CTSV: variants seen among roughly 807,000 people sequenced by gnomAD.
The protein encoded by CTSV is cathepsin L2.
In CTSV, 33 loss-of-function variants were observed where a neutral mutation model predicts 35.6. The observed-to-expected ratio is 0.93, with a 90% CI of 0.70 to 1.24. The LOEUF (loss-of-function observed/expected upper bound fraction) is 1.24, where lower values mean the gene tolerates loss of function less well. Among genes scored for constraint, CTSV ranks in the 50% most tolerant of loss-of-function variants. The probability of loss-of-function intolerance (pLI) is 0.00; values close to 1 mark genes in which losing one functional copy is unlikely to be tolerated. For synonymous variants in CTSV, 154 were observed against 147.1 expected, an observed-to-expected ratio of 1.05 and a Z score of -0.34; for missense variants, 408 against 413.1, an observed-to-expected ratio of 0.99 and a Z score of 0.11.
intron 6 of CTSV, 42 bp from the exon 7 acceptor site, chr9:97,034,885 G>A (rs756835807): frequency 1.3e-5 from 19 of 1,501,470 alleles, no homozygotes; most frequent in Middle Eastern, 1.7e-4. Context: ...AGCTCCAAGC[G>A]ACATGTGACA....
intron 7 of CTSV, among the ~76,000 whole-genome samples, chr9:97,033,369 G>A (rs1006341592): frequency 2.0e-5 from 3 of 151,832 alleles, no homozygotes; most frequent in Admixed American, 6.6e-5. Context: ...AGCACTTTGG[G>A]AGGCTGAGGC....
In CTSV at chr9:97,037,395, T is replaced by A; in HGVS notation, c.253A>T (p.Asn85Tyr). 6.2e-7 allele frequency: 1 copy of A among 1,614,114 alleles called. No homozygotes were observed. Among genetic ancestry groups the A allele is most frequent in the South Asian group, 1.1e-5 (1 of 91,060 alleles). ...MAMNAFGDMT[N>Y]EEFRQMMGCF... is the part of the protein sequence containing the mutation. ...CCCATCATCTGCCTGAATTCTTCAT[T>A]GGTCTTCAAGGAGAAGTAAATAAAA... The change falls in exon 4 of 8, where the codon AAT (asparagine) becomes TAT (tyrosine). Residue 85 changes from asparagine to tyrosine, a missense_variant. Transcript: ENST00000259470.
At chr9:97,033,838 G>A (rs888043802) in intron 7 of CTSV, among the ~76,000 whole-genome samples, 2 of 152,098 alleles carry the variant, frequency 1.3e-5, no homozygotes, top group African/African-American at 4.8e-5. Flanking sequence ...GCTCATGTCT[G>A]TAATACCAGT....
Position 97,032,403 on chromosome 9 carries a change from T to TA in CTSV, c.*545dup, listed in dbSNP as rs558298647. 2.6e-3 allele frequency: 385 copies of TA among 145,738 alleles called. 2 individuals carry two copies. The highest frequency in any genetic ancestry group is 4.1e-3 in the Non-Finnish European group (268 of 65,978). 9.0% of individuals were successfully genotyped at this position (145,738 alleles called of 1,614,324 possible). On this transcript the variant is annotated 3_prime_UTR_variant, in exon 8 of 8. Coordinates refer to ENST00000259470, the MANE Select transcript of CTSV (RefSeq NM_001333.4). Reference sequence around the variant, plus strand: ...ACAGAGTGAGAGAGACTCCGTCTCATAAAAAAAAAAAATGTAGGTTTGTCC... The same window carrying TA: ...ACAGAGTGAGAGAGACTCCGTCTCATAAAAAAAAAAAAATGTAGGTTTGTCC...
At chr9:97,036,452 T>C (rs781469694) in intron 5 of CTSV, 71 bp downstream of exon 5, 8 of 1,037,964 alleles carry the variant, frequency 7.7e-6, no homozygotes, top group Non-Finnish European at 9.0e-6. Flanking sequence ...GAAAAAAGTA[T>C]CTGTTATCTC....
chr9:97,035,730 C>CATCT (rs1216017168), intron 5 of CTSV, 37 bp from the exon 6 acceptor site: 19 of 1,330,028 alleles, frequency 1.4e-5, no homozygotes, highest in Non-Finnish European at 1.8e-5. Context: ...TGATCACTAC[C>CATCT]ATCTACCTCC....
chr9:97,032,639 TA>T lies in CTSV; in HGVS notation c.*309del, dbSNP rs11452112. ...CTGACTACACAAAAAGCCAATGCAT[TA>T]AAAAAAGGCCCACCTTTATATACGA... On this transcript the variant is annotated 3_prime_UTR_variant, in exon 8 of 8. Transcript: ENST00000259470. 14 of 233,238 alleles carry T rather than the reference TA, an allele frequency of 6.0e-5. No homozygotes were observed. Among genetic ancestry groups the T allele is most frequent in the Middle Eastern group, 1.4e-3 (1 of 734 alleles). The allele number at this position is 233,238 out of a possible 1,614,324, so 14.4% of individuals were successfully genotyped here.
In CTSV at chr9:97,033,899, C is replaced by T. The variant is rs180710266; in HGVS notation, c.905+827G>A. On this transcript the variant is annotated intron_variant, in intron 7 of 7. Coordinates refer to ENST00000259470, the MANE Select transcript of CTSV (RefSeq NM_001333.4). ...TCACATGAGGTCAGTTCGACAGCAG[C>T]CTGGCATACATGGTGAAACCCCGTC... 4.0e-5 allele frequency among the ~76,000 whole-genome samples: 6 copies of T among 151,880 alleles called. No individual in the cohort carries two copies. In the East Asian group the frequency reaches 1.2e-3, roughly 30 times the overall value.
intron 4 of CTSV, 70 bp from the exon 5 acceptor site, chr9:97,036,817 T>G: frequency 2.5e-6 from 3 of 1,206,120 alleles, no homozygotes; most frequent in Non-Finnish European, 3.4e-6. Flanking sequence ...ATAATTGAAT[T>G]ACCTTAATAT....
In CTSV at chr9:97,030,784, G is replaced by A. The variant is rs1828730954; in HGVS notation, c.*2165C>T. 1 of 152,194 alleles carries A rather than the reference G, an allele frequency of 6.6e-6. No homozygotes were observed. Among genetic ancestry groups the A allele is most frequent in the African/African-American group, 2.4e-5 (1 of 41,450 alleles). The allele number at this position is 152,194 out of a possible 1,614,324, so 9.4% of individuals were successfully genotyped here. A position where few individuals can be genotyped will look rare whatever the true frequency, so the allele number is the denominator to read the frequency against. ...CCGTTTTCCCGCCCTGGGTGGTCCAGGTGTTCCTTGCTCTCATTCCGGTAA... is the reference window on the plus strand; with the variant it reads ...CCGTTTTCCCGCCCTGGGTGGTCCAAGTGTTCCTTGCTCTCATTCCGGTAA... On this transcript the variant is annotated 3_prime_UTR_variant, in exon 8 of 8. Transcript: ENST00000259470.
chr9:97,030,741 T>C lies in CTSV; in HGVS notation c.*2208A>G, dbSNP rs1001252311. The C allele has an allele frequency of 1.3e-5, 2 of 152,200 alleles. No homozygotes were observed. The highest frequency in any genetic ancestry group is 1.5e-5 in the Non-Finnish European group (1 of 68,042). The allele number at this position is 152,200 out of a possible 1,614,324, so 9.4% of individuals were successfully genotyped here. On this transcript the variant is annotated 3_prime_UTR_variant, in exon 8 of 8. Transcript: ENST00000259470. The stretch of plus-strand genomic sequence containing the variant: ...AGATCGCTCATGCTATTGTTTGTAG[T>C]TTAGGAACGCCTTTAAGCCGTTTTC...
At chr9:97,036,030 T>C (rs949916398) in intron 5 of CTSV, among the ~76,000 whole-genome samples, 2 of 152,148 alleles carry the variant, frequency 1.3e-5, no homozygotes, top group Admixed American at 6.5e-5. Context: ...TGGTAACCAT[T>C]AGCTGTTGAC....
chr9:97,032,840 C>G lies in CTSV; in HGVS notation c.*109G>C. 1.5e-6 allele frequency: 1 copy of G among 647,216 alleles called. No homozygotes were observed. The highest frequency in any genetic ancestry group is 2.5e-6 in the Non-Finnish European group (1 of 392,520). 40.1% of individuals were successfully genotyped at this position (647,216 alleles called of 1,614,324 possible). On this transcript the variant is annotated 3_prime_UTR_variant, in exon 8 of 8. Coordinates refer to ENST00000259470, the MANE Select transcript of CTSV (RefSeq NM_001333.4). ...CAGAATTAAAATCTCAACTTGGATCCTCAATGATTCAACTGGTTTATCTTA... is the reference window on the plus strand; with the variant it reads ...CAGAATTAAAATCTCAACTTGGATCGTCAATGATTCAACTGGTTTATCTTA...
Position 97,032,699 on chromosome 9 carries a change from T to G in CTSV, c.*250A>C. On this transcript the variant is annotated 3_prime_UTR_variant, in exon 8 of 8. Coordinates refer to ENST00000259470, the MANE Select transcript of CTSV (RefSeq NM_001333.4). ...TTATTTCAAACTGTTTTGTACATCTTTTTAAAAAATGAAAATTCAAAAGTC... is the reference window on the plus strand; with the variant it reads ...TTATTTCAAACTGTTTTGTACATCTGTTTAAAAAATGAAAATTCAAAAGTC... The G allele has an allele frequency of 5.4e-6, 2 of 368,812 alleles. No homozygotes were observed. The highest frequency in any genetic ancestry group is 9.6e-6 in the Non-Finnish European group (2 of 208,224). 22.8% of individuals were successfully genotyped at this position (368,812 alleles called of 1,614,324 possible).
Position 97,037,608 on chromosome 9 carries a change from T to G in CTSV, c.134A>C (p.Glu45Ala). The G allele has an allele frequency of 6.2e-7, 1 of 1,613,998 alleles. No individual in the cohort carries two copies. The highest frequency in any genetic ancestry group is 8.5e-7 in the Non-Finnish European group (1 of 1,179,972). ...TTCCCACACTGCTCTCCTCCATCCTTCTTCATTCTAGAGGCAAACATATAG... is the reference window on the plus strand; with the variant it reads ...TTCCCACACTGCTCTCCTCCATCCTGCTTCATTCTAGAGGCAAACATATAG... ...THRRLYGANE[E>A]GWRRAVWEKN... Residue 45 changes from glutamate to alanine, a missense_variant, in exon 3 of 8, where the codon GAA becomes GCA. Physicochemically the swap from Glu to Ala is moderately radical, Grantham distance 107. Transcript: ENST00000259470.
chr9:97,034,725 C>T lies in CTSV; in HGVS notation c.905+1G>A. 6.2e-7 allele frequency: 1 copy of T among 1,610,542 alleles called. No individual in the cohort carries two copies. ...TCCCTTTTCAATTTTGAGTTTTATA[C>T]CTGTTTTTGACGAGCCAATACTTGC... On this transcript the variant is annotated splice_donor_variant, in intron 7 of 7. Coordinates refer to ENST00000259470, the MANE Select transcript of CTSV (RefSeq NM_001333.4). LOFTEE classifies it high-confidence loss of function.
rs1191000016 is a variant in CTSV, at chr9:97,031,581, T to C, written c.*1368A>G. 6.6e-6 allele frequency: 1 copy of C among 152,260 alleles called. No individual in the cohort carries two copies. The highest frequency in any genetic ancestry group is 1.9e-4 in the East Asian group (1 of 5,202). 9.4% of individuals were successfully genotyped at this position (152,260 alleles called of 1,614,324 possible). On this transcript the variant is annotated 3_prime_UTR_variant, in exon 8 of 8. Coordinates refer to ENST00000259470, the MANE Select transcript of CTSV (RefSeq NM_001333.4). ...GTTTGGTGTACTTTCTTCCAGTATT[T>C]TAAATATGCAAAAATATCGTTTTAT...
rs1587732252 is a variant in CTSV at position 97,032,208 on chromosome 9, A to C, written c.*741T>G. On this transcript the variant is annotated 3_prime_UTR_variant, in exon 8 of 8. Transcript: ENST00000259470. ...TGGATCACGAGGTCGAGAGTTCAAG[A>C]CCAGCCTGGCCAAGATGGTGAAACC... 1.3e-5 allele frequency: 2 copies of C among 152,200 alleles called. No homozygotes were observed. Among genetic ancestry groups the C allele is most frequent in the Admixed American group, 1.3e-4 (2 of 15,278 alleles). The allele number at this position is 152,200 out of a possible 1,614,324, so 9.4% of individuals were successfully genotyped here.
intron 2 of CTSV, 150 bp from the exon 3 acceptor site, chr9:97,037,765 G>A: frequency 7.3e-7 from 1 of 1,370,944 alleles, no homozygotes; most frequent in East Asian, 2.3e-5. Flanking sequence ...AAGACACAAT[G>A]GAGATATATG....
Sources: gnomAD v4.1 joint callset for allele counts (sites outside exome capture counted in the v4.1 genomes callset) on GRCh38, gnomAD v4.1.1 for gene constraint, MANE v1.5 for transcripts, NCBI Gene and HGNC (gene_info 2026-07-23, HGNC 2026-07-21) for gene names.